Variants in COL10A1 observed in about 807,000 individuals in gnomAD.
COL10A1 encodes collagen type X alpha 1 chain, also known as collagen alpha-1(X) chain.
COL10A1 carries 10 observed loss-of-function variants against 18.2 expected under a neutral mutation model. That is an observed-to-expected ratio of 0.55 (90% CI 0.34 to 0.93). The LOEUF is 0.93. COL10A1 is among the 40% of genes least tolerant of loss of function. The pLI is 0.02. For missense variants in COL10A1, 897 were observed against 853.5 expected, an observed-to-expected ratio of 1.05 and a Z score of -0.64; for synonymous variants, 330 against 316.6, an observed-to-expected ratio of 1.04 and a Z score of -0.45.
rs372038325 is a variant in COL10A1 at position 116,144,277 on chromosome 6, C to T, written c.-16+14337G>A. On this transcript the variant is annotated intron_variant, in intron 1 of 1. Coordinates refer to the COL10A1 transcript ENST00000418500. ...CAGCACTTTGGGAGGCCGAGGCGGG[C>T]GGATCATGAAGTCAGGAGATCAAGA... 4.3e-4 allele frequency among the ~76,000 whole-genome samples: 65 copies of T among 152,178 alleles called. 1 individual carries two copies. The highest frequency in any genetic ancestry group is 1.5e-3 in the African/African-American group (61 of 41,514).
intron 1 of COL10A1, among the ~76,000 whole-genome samples, chr6:116,145,174 T>C (rs1275128723): frequency 6.6e-6 from 1 of 152,098 alleles, no homozygotes; most frequent in Non-Finnish European, 1.5e-5. Context: ...CACTCTGCAG[T>C]GAGAAGTTGG....
the COL10A1 span, among the ~76,000 whole-genome samples, chr6:116,169,291 C>A: frequency 6.6e-6 from 1 of 152,176 alleles, no homozygotes; most frequent in Non-Finnish European, 1.5e-5. Context: ...CTCAGTTAGA[C>A]AATTTGTTCA....
intron 1 of COL10A1, among the ~76,000 whole-genome samples, chr6:116,146,075 C>G (rs1291947375): frequency 1.3e-5 from 2 of 152,146 alleles, no homozygotes; most frequent in Non-Finnish European, 2.9e-5. Context: ...GGTTACCAGC[C>G]ATGTGTCCCA....
chr6:116,181,436 C>T, the COL10A1 span, among the ~76,000 whole-genome samples: 1 of 151,796 alleles, frequency 6.6e-6, no homozygotes, highest in Non-Finnish European at 1.5e-5. Flanking sequence ...TGCAGAAAAA[C>T]CCAATTAATA....
chr6:116,180,163 A>G, the COL10A1 span, among the ~76,000 whole-genome samples: 1 of 152,062 alleles, frequency 6.6e-6, no homozygotes, highest in Admixed American at 6.6e-5. Context: ...TTTTAATTAC[A>G]GAGATAGTAT....
intron 1 of COL10A1, chr6:116,137,627 A>G (rs1562133720): frequency 9.5e-6 from 2 of 209,932 alleles, no homozygotes; most frequent in African/African-American, 2.3e-5. Flanking sequence ...GTGGGAAACA[A>G]AAGTCCCACA....
At chr6:116,147,224 T>TTG (rs1411241278) in intron 1 of COL10A1, among the ~76,000 whole-genome samples, 2 of 151,792 alleles carry the variant, frequency 1.3e-5, no homozygotes, top group African/African-American at 4.8e-5. Flanking sequence ...GCAGATCACC[T>TTG]TGAGGTCAGG....
At chr6:116,192,738 C>G in the COL10A1 span, among the ~76,000 whole-genome samples, 20 of 152,082 alleles carry the variant, frequency 1.3e-4, no homozygotes, top group African/African-American at 4.8e-4. Context: ...TCTATCTGGT[C>G]TGAGTACTAA....
the COL10A1 span, among the ~76,000 whole-genome samples, chr6:116,188,044 A>C: frequency 6.6e-6 from 1 of 152,070 alleles, no homozygotes. Flanking sequence ...AAGTCTTGAC[A>C]GGCAGTTTAC....
chr6:116,203,345 G>C, the COL10A1 span, among the ~76,000 whole-genome samples: 1 of 151,856 alleles, frequency 6.6e-6, no homozygotes, highest in Admixed American at 6.6e-5. Context: ...AGCTAATAGA[G>C]CCCTGCAGTC....
intron 1 of COL10A1, among the ~76,000 whole-genome samples, chr6:116,131,534 G>A (rs1779465244): frequency 6.6e-6 from 1 of 152,058 alleles, no homozygotes; most frequent in African/African-American, 2.4e-5. Context: ...GGAGATCATT[G>A]CAGAACATTG....
intron 1 of COL10A1, among the ~76,000 whole-genome samples, chr6:116,135,872 T>TACACAC (rs71554839): frequency 1.7e-4 from 21 of 121,304 alleles, no homozygotes; most frequent in African/African-American, 7.4e-4. Flanking sequence ...TATATATATA[T>TACACAC]ACACACATAC....
At chr6:116,193,624 G>T in the COL10A1 span, among the ~76,000 whole-genome samples, 53 of 151,978 alleles carry the variant, frequency 3.5e-4, no homozygotes, top group Non-Finnish European at 5.6e-4. Context: ...CTGTGCTAAG[G>T]GACAGTATGA....
intron 1 of COL10A1, among the ~76,000 whole-genome samples, chr6:116,136,282 G>A (rs143157357): frequency 6.6e-6 from 1 of 152,080 alleles, no homozygotes; most frequent in Non-Finnish European, 1.5e-5. Context: ...TCTTTTTTAA[G>A]GCTGAATAAT....
chr6:116,184,443 GA>G, the COL10A1 span, among the ~76,000 whole-genome samples: 1 of 151,344 alleles, frequency 6.6e-6, no homozygotes, highest in African/African-American at 2.4e-5. Flanking sequence ...TCCATCTTTT[GA>G]AATAGTGTCA....
chr6:116,212,935 T>G, the COL10A1 span, among the ~76,000 whole-genome samples: 2 of 152,188 alleles, frequency 1.3e-5, no homozygotes, highest in Non-Finnish European at 2.9e-5. Context: ...TTATATGCAG[T>G]AGAAACCTTT....
At chr6:116,157,373 G>T (rs950437257) in intron 1 of COL10A1, among the ~76,000 whole-genome samples, 1 of 152,178 alleles carries the variant, frequency 6.6e-6, no homozygotes, top group Admixed American at 6.5e-5. Flanking sequence ...CCTTATTACA[G>T]TCTTTGGCCA....
At chr6:116,143,606 C>A (rs1021280256) in intron 1 of COL10A1, among the ~76,000 whole-genome samples, 2 of 152,032 alleles carry the variant, frequency 1.3e-5, no homozygotes, top group African/African-American at 4.8e-5. Context: ...TCACACTGTC[C>A]TTGTTAGCTA....
chr6:116,165,131 A>G, the COL10A1 span, among the ~76,000 whole-genome samples: 1 of 146,632 alleles, frequency 6.8e-6, no homozygotes, highest in African/African-American at 2.5e-5. Context: ...ATTGGCTGGC[A>G]TTATTTTTCT....
Sources: allele counts gnomAD v4.1 joint callset (sites outside exome capture counted in the v4.1 genomes callset), GRCh38; gene constraint gnomAD v4.1.1; transcripts MANE v1.5; gene names NCBI Gene and HGNC (gene_info 2026-07-23, HGNC 2026-07-21).